The following FHOD3 variants were observed in gnomAD, a reference collection of about 807,000 sequenced individuals.
FHOD3 encodes FH1/FH2 domain-containing protein 3.
In FHOD3, 90 loss-of-function variants were observed where a neutral mutation model predicts 173.0. That is an observed-to-expected ratio of 0.52 (90% CI 0.44 to 0.62). The LOEUF is 0.62. Among genes scored for constraint, FHOD3 ranks in the 20% least tolerant of loss-of-function variants. FHOD3 has a pLI of 0.00. For synonymous variants in FHOD3, 828 were observed against 823.0 expected (o/e 1.01, Z -0.10); for missense variants, 1,945 against 2,034.7 (o/e 0.96, Z 0.85).
At chr18:36,779,286 G>A in intron 28 of FHOD3, 162 bp from the exon 29 acceptor site, 1 of 622,114 alleles carries the variant, frequency 1.6e-6, no homozygotes, top group Admixed American at 2.9e-5. Context: ...CAGACTGCAG[G>A]GCACTTCAGC....
chr18:36,574,881 G>A (rs2058588499), intron 5 of FHOD3, among the ~76,000 whole-genome samples: 2 of 151,924 alleles, frequency 1.3e-5, no homozygotes, highest in Admixed American at 1.3e-4. Flanking sequence ...TCAAGGATAT[G>A]TCCAAATAAT....
chr18:36,755,104 G>GT lies in FHOD3; in HGVS notation c.4233-9dup. Reference sequence around the variant, plus strand: ...TAAAACGGAAGTCATTGCTATTACTGTTTTTTCCTTGCAGATTCCACTCCT... The same window carrying GT: ...TAAAACGGAAGTCATTGCTATTACTGTTTTTTTCCTTGCAGATTCCACTCCT... On this transcript the variant is annotated splice_polypyrimidine_tract_variant and intron_variant, in intron 24 of 28. Transcript: ENST00000590592. The GT allele has an allele frequency of 1.9e-6, 3 of 1,540,608 alleles. No individual in the cohort carries two copies. Among genetic ancestry groups the GT allele is most frequent in the Middle Eastern group, 1.7e-4 (1 of 5,886 alleles).
chr18:36,626,698 T>C (rs79079151), intron 10 of FHOD3, among the ~76,000 whole-genome samples: 3,910 of 152,274 alleles, frequency 0.026, 178 homozygotes, highest in African/African-American at 0.09. Flanking sequence ...TCCTCCCTCA[T>C]CATAGAGATC....
At chr18:36,539,995 G>T (rs1038203805) in intron 5 of FHOD3, among the ~76,000 whole-genome samples, 1 of 152,138 alleles carries the variant, frequency 6.6e-6, no homozygotes, top group Non-Finnish European at 1.5e-5. Context: ...GCTTCATGTC[G>T]CCTGTATTTA....
intron 16 of FHOD3, among the ~76,000 whole-genome samples, chr18:36,692,486 G>A (rs1361260500): frequency 2.0e-5 from 3 of 152,230 alleles, no homozygotes; most frequent in Non-Finnish European, 1.5e-5. Context: ...CGCACTATGA[G>A]GAATATGATT....
At chr18:36,532,979 C>T (rs1425621448) in intron 5 of FHOD3, among the ~76,000 whole-genome samples, 2 of 152,188 alleles carry the variant, frequency 1.3e-5, no homozygotes, top group South Asian at 2.1e-4. Context: ...CATTGGGTGG[C>T]CTGCCTGCCT....
rs775009406 is a variant in FHOD3 at position 36,553,287 on chromosome 18, G to T, written c.512-23164G>T. Among the ~76,000 whole-genome samples the T allele has an allele frequency of 7.8e-3, 1,192 of 152,074 alleles. 18 individuals carry two copies. The highest frequency in any genetic ancestry group is 0.063 in the South Asian group (301 of 4,808). On this transcript the variant is annotated intron_variant, in intron 5 of 28. Coordinates refer to ENST00000590592, the MANE Select transcript of FHOD3 (RefSeq NM_001281740.3). The stretch of plus-strand genomic sequence containing the variant: ...ATATTGGTCTAAAATTCTCTTTTTT[G>T]GTTGTGTCTCTGCCAGGCTTTGGTA...
At chr18:36,712,267 C>T (rs1452376739) in intron 18 of FHOD3, among the ~76,000 whole-genome samples, 1 of 152,150 alleles carries the variant, frequency 6.6e-6, no homozygotes, top group Non-Finnish European at 1.5e-5. Context: ...TGGGAAAATG[C>T]AATAAACAGA....
In FHOD3 at chr18:36,297,928, CACGT is replaced by C; in HGVS notation, c.94_97del (p.Thr32SerfsTer68). The C allele has an allele frequency of 6.4e-7, 1 of 1,565,334 alleles. No individual in the cohort carries two copies. Among genetic ancestry groups the C allele is most frequent in the Non-Finnish European group, 8.6e-7 (1 of 1,156,352 alleles). On this transcript the variant is annotated frameshift_variant, in exon 1 of 29. Transcript: ENST00000590592. LOFTEE classifies it high-confidence loss of function. Reference sequence around the variant, plus strand: ...CCGAGCCCAGCCGGCCGCCGCTGTTCACGTTCCGCGAGGACCTCGCGCTCGGCAC... The same window carrying C: ...CCGAGCCCAGCCGGCCGCCGCTGTTCTCCGCGAGGACCTCGCGCTCGGCAC...
At chr18:36,591,342 T>A (rs775221808) in intron 6 of FHOD3, among the ~76,000 whole-genome samples, 1 of 152,194 alleles carries the variant, frequency 6.6e-6, no homozygotes, top group Non-Finnish European at 1.5e-5. Context: ...AGGGCATGAC[T>A]TGCCCTCATC....
At chr18:36,498,165 GAA>G (rs1314676911) in intron 3 of FHOD3, among the ~76,000 whole-genome samples, 1 of 151,794 alleles carries the variant, frequency 6.6e-6, no homozygotes, top group Non-Finnish European at 1.5e-5. Flanking sequence ...TCAAATAAAT[GAA>G]AATGAAAACA....
rs2092218708 is a variant in FHOD3 at position 36,310,175 on chromosome 18, T to C, written c.165+12175T>C. Among the ~76,000 whole-genome samples, 4 of 152,202 alleles carry C rather than the reference T, an allele frequency of 2.6e-5. No individual in the cohort carries two copies. The South Asian group carries it at 8.3e-4, about 32-fold the overall frequency. On this transcript the variant is annotated intron_variant, in intron 1 of 28. Coordinates refer to ENST00000590592, the MANE Select transcript of FHOD3 (RefSeq NM_001281740.3). Reference sequence around the variant, plus strand: ...TGACATGACATTAAATGGAACAAGTTGGTGCTTAGTTTTACACAGGCTGGG... The same window carrying C: ...TGACATGACATTAAATGGAACAAGTCGGTGCTTAGTTTTACACAGGCTGGG...
intron 23 of FHOD3, among the ~76,000 whole-genome samples, chr18:36,745,480 C>T (rs1339738209): frequency 1.3e-5 from 2 of 152,204 alleles, no homozygotes; most frequent in Non-Finnish European, 2.9e-5. Context: ...ACACCAGACA[C>T]GACACTGCGT....
intron 3 of FHOD3, among the ~76,000 whole-genome samples, chr18:36,493,308 G>A (rs1033951594): frequency 2.0e-5 from 3 of 149,322 alleles, no homozygotes; most frequent in South Asian, 2.1e-4. Context: ...GTCCGACCAA[G>A]CAATTTTTTT....
chr18:36,591,942 G>A (rs560253012), intron 6 of FHOD3, among the ~76,000 whole-genome samples: 13 of 151,492 alleles, frequency 8.6e-5, no homozygotes, highest in African/African-American at 3.1e-4. Flanking sequence ...AAGGTGGCTG[G>A]GCACGATGGC....
intron 3 of FHOD3, among the ~76,000 whole-genome samples, chr18:36,402,352 C>T (rs2048854964): frequency 6.6e-6 from 1 of 151,988 alleles, no homozygotes. Context: ...GATCTATATC[C>T]CTTATATACA....
chr18:36,626,015 T>A (rs2034080650), intron 10 of FHOD3, among the ~76,000 whole-genome samples: 1 of 152,118 alleles, frequency 6.6e-6, no homozygotes, highest in Non-Finnish European at 1.5e-5. Flanking sequence ...TTATTTACTA[T>A]CTCAGTTAAT....
intron 3 of FHOD3, among the ~76,000 whole-genome samples, chr18:36,483,354 C>T (rs920752931): frequency 1.3e-5 from 2 of 152,122 alleles, no homozygotes; most frequent in Admixed American, 1.3e-4. Flanking sequence ...TCGGGCTCAG[C>T]CAGATGCTCC....
At chr18:36,476,664 A>G (rs1247934865) in intron 3 of FHOD3, among the ~76,000 whole-genome samples, 3 of 152,232 alleles carry the variant, frequency 2.0e-5, no homozygotes, top group Non-Finnish European at 2.9e-5. Context: ...TCGATTAGCT[A>G]CTTCAAAGCA....
Sources: gnomAD v4.1 joint callset for allele counts (sites outside exome capture counted in the v4.1 genomes callset) on GRCh38, gnomAD v4.1.1 for gene constraint, MANE v1.5 for transcripts, NCBI Gene and HGNC (gene_info 2026-07-23, HGNC 2026-07-21) for gene names.